ACYP2: variants seen among roughly 807,000 people sequenced by gnomAD.
ACYP2 encodes acylphosphatase-2.
ACYP2 carries 12 observed loss-of-function variants against 11.2 expected under a neutral mutation model. That is an observed-to-expected ratio of 1.08 (90% CI 0.69 to 1.74). ACYP2 has a LOEUF of 1.74. Ranked by LOEUF, ACYP2 falls within the 40% of genes most tolerant of loss-of-function variation. The pLI, the probability that ACYP2 is intolerant of heterozygous loss-of-function variation, is 0.00. For missense variants in ACYP2, 134 were observed against 101.9 expected (o/e 1.31, Z -1.35); for synonymous variants, 43 against 32.2 (o/e 1.33, Z -1.13).
chr2:53,988,330 A>T (rs1373581250), intron 2 of ACYP2, among the ~76,000 whole-genome samples: 1 of 152,118 alleles, frequency 6.6e-6, no homozygotes, highest in Non-Finnish European at 1.5e-5. Context: ...GTTAGTTTTT[A>T]TATGTGGCAT....
chr2:53,985,819 C>T (rs997888327), intron 2 of ACYP2, among the ~76,000 whole-genome samples: 3 of 152,110 alleles, frequency 2.0e-5, no homozygotes, highest in African/African-American at 2.4e-5. Flanking sequence ...CATGAGATTT[C>T]ACCTGAAAGC....
intron 2 of ACYP2, among the ~76,000 whole-genome samples, chr2:53,991,683 G>A (rs1170137349): frequency 1.3e-5 from 2 of 152,140 alleles, no homozygotes; most frequent in Non-Finnish European, 2.9e-5. Flanking sequence ...GGGGTTACAG[G>A]TGTGAGCCAC....
chr2:54,298,552 T>TTTGA (rs1278538353), intron 6 of ACYP2, among the ~76,000 whole-genome samples: 13 of 152,168 alleles, frequency 8.5e-5, no homozygotes, highest in African/African-American at 3.1e-4. Context: ...GTAATGCAAA[T>TTTGA]TTGATTGTAA....
chr2:53,991,395 G>A (rs1329240213), intron 2 of ACYP2, among the ~76,000 whole-genome samples: 2 of 151,150 alleles, frequency 1.3e-5, no homozygotes, highest in Non-Finnish European at 2.9e-5. Flanking sequence ...GCTGGTGTAT[G>A]TGTAACTTTT....
intron 6 of ACYP2, among the ~76,000 whole-genome samples, chr2:54,220,705 G>T (rs1685763444): frequency 6.6e-6 from 1 of 152,230 alleles, no homozygotes; most frequent in East Asian, 1.9e-4. Flanking sequence ...AATTATAAAT[G>T]AACTTCTGAA....
chr2:54,294,855 A>T (rs1329695118), intron 6 of ACYP2, among the ~76,000 whole-genome samples: 8 of 152,038 alleles, frequency 5.3e-5, no homozygotes, highest in Admixed American at 4.6e-4. Context: ...GGTTGAGGCC[A>T]CAGTGAGTCA....
intron 4 of ACYP2, among the ~76,000 whole-genome samples, chr2:54,121,369 C>T (rs1472934527): frequency 1.3e-5 from 2 of 152,162 alleles, no homozygotes; most frequent in Non-Finnish European, 2.9e-5. Context: ...GAAGTTCTCA[C>T]TCTGGTTGTG....
At chr2:54,040,630 G>A (rs1372309356) in intron 2 of ACYP2, among the ~76,000 whole-genome samples, 3 of 152,206 alleles carry the variant, frequency 2.0e-5, no homozygotes, top group Admixed American at 1.3e-4. Flanking sequence ...GATTAGGTAA[G>A]TGCCCTTCTA....
At chr2:54,280,678 T>G (rs1688809802) in intron 6 of ACYP2, among the ~76,000 whole-genome samples, 1 of 152,208 alleles carries the variant, frequency 6.6e-6, no homozygotes. Flanking sequence ...ATATATGCCT[T>G]TCATTTAGCA....
At chr2:54,256,047 T>C (rs1687508241) in intron 6 of ACYP2, 2 of 1,614,130 alleles carry the variant, frequency 1.2e-6, no homozygotes, top group Non-Finnish European at 1.7e-6. Flanking sequence ...TATCTGCCAT[T>C]ACCTCTGTCG....
intron 2 of ACYP2, among the ~76,000 whole-genome samples, chr2:54,018,651 AAAAT>A (rs1477306465): frequency 6.6e-6 from 1 of 152,200 alleles, no homozygotes; most frequent in Non-Finnish European, 1.5e-5. Context: ...CTTCTTTACA[AAAAT>A]AAATAAGTAG....
chr2:54,214,020 G>A (rs552539738), intron 6 of ACYP2, among the ~76,000 whole-genome samples: 1 of 152,120 alleles, frequency 6.6e-6, no homozygotes, highest in Admixed American at 6.6e-5. Context: ...TCAGCCTCCT[G>A]AAGTGCTGGG....
At chr2:54,203,105 G>A (rs1303638600) in intron 6 of ACYP2, among the ~76,000 whole-genome samples, 2 of 152,068 alleles carry the variant, frequency 1.3e-5, no homozygotes, top group South Asian at 4.2e-4. Flanking sequence ...ATAAGCTTGG[G>A]ATTGTCTTTT....
chr2:54,293,310 T>C (rs544470722), intron 6 of ACYP2, among the ~76,000 whole-genome samples: 2 of 152,336 alleles, frequency 1.3e-5, no homozygotes, highest in Middle Eastern at 3.4e-3. Context: ...TGTGTTGACC[T>C]AGAAGCTGCG....
intron 4 of ACYP2, among the ~76,000 whole-genome samples, chr2:54,096,201 C>G (rs1167134950): frequency 5.5e-5 from 8 of 144,382 alleles, no homozygotes; most frequent in African/African-American, 1.9e-4. Context: ...TCAGACGGGG[C>G]GGCCGGGCAG....
At chr2:54,068,306 C>T (rs1335505760) in intron 4 of ACYP2, among the ~76,000 whole-genome samples, 1 of 152,146 alleles carries the variant, frequency 6.6e-6, no homozygotes, top group Non-Finnish European at 1.5e-5. Context: ...TTATAAAAGA[C>T]CCGTTGAATA....
At chr2:54,304,103 G>T (rs1350940676) in intron 6 of ACYP2, among the ~76,000 whole-genome samples, 1 of 152,038 alleles carries the variant, frequency 6.6e-6, no homozygotes, top group Non-Finnish European at 1.5e-5. Context: ...AATATATGTG[G>T]TAAGAAACAG....
intron 4 of ACYP2, among the ~76,000 whole-genome samples, chr2:54,071,512 T>C (rs1407905194): frequency 6.6e-6 from 1 of 151,398 alleles, no homozygotes; most frequent in East Asian, 1.9e-4. Context: ...GTCGCACAGG[T>C]GAGAGTGCAG....
At chr2:54,299,769 G>GA (rs889241166) in intron 6 of ACYP2, among the ~76,000 whole-genome samples, 2 of 152,038 alleles carry the variant, frequency 1.3e-5, no homozygotes, top group Non-Finnish European at 2.9e-5. Context: ...TGTTCCTGCT[G>GA]AAAAAAACTC....
Sources: allele counts gnomAD v4.1 joint callset (sites outside exome capture counted in the v4.1 genomes callset), GRCh38; gene constraint gnomAD v4.1.1; transcripts MANE v1.5; gene names NCBI Gene and HGNC (gene_info 2026-07-23, HGNC 2026-07-21).